Variants in STRN3 observed in about 807,000 individuals in gnomAD.
The protein encoded by STRN3 is striatin 3.
In STRN3, 29 loss-of-function variants were observed where a neutral mutation model predicts 95.6. The observed-to-expected ratio is 0.30, with a 90% CI of 0.23 to 0.41. The LOEUF is 0.41. STRN3 is among the 10% of genes least tolerant of loss of function. The pLI is 1.00. For synonymous variants in STRN3, 331 were observed against 357.6 expected (o/e 0.93, Z 0.84); for missense variants, 890 against 972.1 (o/e 0.92, Z 1.12).
At chr14:30,925,272 G>T (rs1007901125) in intron 8 of STRN3, among the ~76,000 whole-genome samples, 12 of 152,020 alleles carry the variant, frequency 7.9e-5, no homozygotes, top group Admixed American at 2.6e-4. Flanking sequence ...GAGATGGAGT[G>T]AACGAGTTGG....
At chr14:30,953,131 A>C (rs1462462072) in intron 3 of STRN3, among the ~76,000 whole-genome samples, 1 of 152,168 alleles carries the variant, frequency 6.6e-6, no homozygotes, top group Non-Finnish European at 1.5e-5. Flanking sequence ...CAATCCCCTA[A>C]TGTTGAAATT....
chr14:30,897,282 C>T (rs1038478518), intron 16 of STRN3, among the ~76,000 whole-genome samples: 2 of 152,166 alleles, frequency 1.3e-5, no homozygotes, highest in Middle Eastern at 3.4e-3. Context: ...CTCCAAAAAA[C>T]CTATAAAAAG....
At position 30,929,967 on chromosome 14, in the gene STRN3, A is replaced by AAAAAAAAAAAAAAAC. The variant is rs1555317336; in HGVS notation, c.989-657_989-656insGTTTTTTTTTTTTTT. Among the ~76,000 whole-genome samples the AAAAAAAAAAAAAAAC allele has an allele frequency of 1.7e-3, 151 of 91,152 alleles. 8 individuals carry two copies. The highest frequency in any genetic ancestry group is 6.3e-3 in the Middle Eastern group (1 of 160). The allele number at this position is 91,152 out of a possible 152,430, so 59.8% of individuals were successfully genotyped here. A position where few individuals can be genotyped will look rare whatever the true frequency, so the allele number is the denominator to read the frequency against. On this transcript the variant is annotated intron_variant, in intron 7 of 17. Transcript: ENST00000357479. ...AACTAAGATTAGCAAAAAAAAAAAAAAAAAAAAAAAAACTCAAATTCCACT... is the reference window on the plus strand; with the variant it reads ...AACTAAGATTAGCAAAAAAAAAAAAAAAAAAAAAAAAAAACAAAAAAAAAAAACTCAAATTCCACT...
intron 1 of STRN3, among the ~76,000 whole-genome samples, chr14:30,995,358 T>C (rs999846340): frequency 5.9e-5 from 9 of 152,182 alleles, no homozygotes; most frequent in Non-Finnish European, 1.2e-4. Flanking sequence ...TCCCTTCTTA[T>C]AAATTATTAT....
chr14:30,943,708 G>A (rs1423311058), intron 5 of STRN3, among the ~76,000 whole-genome samples: 2 of 152,146 alleles, frequency 1.3e-5, no homozygotes, highest in African/African-American at 4.8e-5. Context: ...GTTATGAAAA[G>A]AAGGAAATCC....
chr14:30,988,054 A>C (rs962154231), intron 1 of STRN3, among the ~76,000 whole-genome samples: 61 of 152,294 alleles, frequency 4.0e-4, no homozygotes, highest in African/African-American at 1.4e-3. Context: ...CACTTCTTGC[A>C]GTGCTTTCTT....
At chr14:30,955,826 C>T (rs1879875093) in intron 2 of STRN3, 133 bp from the exon 3 acceptor site, 3 of 745,052 alleles carry the variant, frequency 4.0e-6, no homozygotes, top group Non-Finnish European at 6.1e-6. Flanking sequence ...ACATTGAAGA[C>T]TATATTGCTG....
At chr14:30,988,005 G>C (rs891657303) in intron 1 of STRN3, among the ~76,000 whole-genome samples, 1 of 152,074 alleles carries the variant, frequency 6.6e-6, no homozygotes, top group African/African-American at 2.4e-5. Flanking sequence ...CAACGTGCTG[G>C]GACTACAGGC....
At chr14:31,019,939 T>G (rs1480434581) in intron 1 of STRN3, among the ~76,000 whole-genome samples, 1 of 150,524 alleles carries the variant, frequency 6.6e-6, no homozygotes, top group Non-Finnish European at 1.5e-5. Flanking sequence ...CCCAGGCTGG[T>G]CTCCAACTCC....
At chr14:31,003,897 C>G (rs1882592931) in intron 1 of STRN3, among the ~76,000 whole-genome samples, 1 of 151,114 alleles carries the variant, frequency 6.6e-6, no homozygotes, top group African/African-American at 2.4e-5. Flanking sequence ...GCCTATAATC[C>G]CAACACTTTG....
At chr14:31,024,382 T>C (rs1196744441) in intron 1 of STRN3, among the ~76,000 whole-genome samples, 1 of 152,222 alleles carries the variant, frequency 6.6e-6, no homozygotes, top group African/African-American at 2.4e-5. Context: ...GAAAGCTGTA[T>C]ACCAACAGAA....
At chr14:31,019,444 A>G (rs1183054099) in intron 1 of STRN3, among the ~76,000 whole-genome samples, 1 of 152,228 alleles carries the variant, frequency 6.6e-6, no homozygotes, top group Non-Finnish European at 1.5e-5. Context: ...TCACAATACT[A>G]TATTATTTTC....
intron 3 of STRN3, among the ~76,000 whole-genome samples, chr14:30,954,709 G>C (rs758737585): frequency 1.3e-5 from 2 of 152,116 alleles, no homozygotes; most frequent in Non-Finnish European, 2.9e-5. Context: ...CACAATTTCA[G>C]TTGTGAGCAA....
intron 3 of STRN3, among the ~76,000 whole-genome samples, chr14:30,951,191 A>ACT (rs1325488458): frequency 6.6e-6 from 1 of 152,198 alleles, no homozygotes; most frequent in Non-Finnish European, 1.5e-5. Context: ...CTTTATTAGT[A>ACT]TCAAGGAATC....
In STRN3 at chr14:30,902,567, A is replaced by G. The variant is rs1896353005; in HGVS notation, c.2106T>C (p.Asp702=). ...TLPVTITAHE[D]RHIKFFDNKT... ...TATTGTCAAAAAATTTGATGTGTCTATCTTCATGAGCAGTTATTGTAACAG... is the reference window on the plus strand; with the variant it reads ...TATTGTCAAAAAATTTGATGTGTCTGTCTTCATGAGCAGTTATTGTAACAG... The change falls in exon 16 of 18, where the codon GAT becomes GAC. Residue 702 remains aspartate, a synonymous_variant. Transcript: ENST00000357479. The G allele has an allele frequency of 2.5e-6, 4 of 1,607,640 alleles. No homozygotes were observed. Among genetic ancestry groups the G allele is most frequent in the Non-Finnish European group, 2.5e-6 (3 of 1,177,776 alleles).
At chr14:30,985,934 C>A (rs574232317) in intron 1 of STRN3, among the ~76,000 whole-genome samples, 4 of 152,176 alleles carry the variant, frequency 2.6e-5, no homozygotes, top group African/African-American at 7.2e-5. Context: ...CACACACCCC[C>A]CTCAGCTCTC....
intron 13 of STRN3, among the ~76,000 whole-genome samples, chr14:30,908,779 C>G (rs776212255): frequency 2.0e-5 from 3 of 152,170 alleles, no homozygotes; most frequent in African/African-American, 7.2e-5. Flanking sequence ...TTACTGAGGA[C>G]TTTAGTCCCA....
chr14:30,952,605 T>C (rs1197158865), intron 3 of STRN3, among the ~76,000 whole-genome samples: 1 of 151,416 alleles, frequency 6.6e-6, no homozygotes, highest in Admixed American at 6.6e-5. Flanking sequence ...GAGGCTGAGG[T>C]GGGAGGATTG....
intron 1 of STRN3, among the ~76,000 whole-genome samples, chr14:30,963,169 GACAGA>G (rs1380111937): frequency 1.4e-4 from 22 of 152,128 alleles, no homozygotes; most frequent in African/African-American, 5.3e-4. Flanking sequence ...AAGCAAAACT[GACAGA>G]ACAGAACGGA....
Sources: allele counts gnomAD v4.1 joint callset (sites outside exome capture counted in the v4.1 genomes callset), GRCh38; gene constraint gnomAD v4.1.1; transcripts MANE v1.5; gene names NCBI Gene and HGNC (gene_info 2026-07-23, HGNC 2026-07-21).